Variants in PTPRG observed in about 807,000 individuals in gnomAD.
PTPRG encodes the protein protein tyrosine phosphatase receptor type G, also known as receptor-type tyrosine-protein phosphatase gamma.
A neutral mutation model predicts 165.3 loss-of-function variants in PTPRG; 102 were observed. That is an observed-to-expected ratio of 0.62 (90% CI 0.53 to 0.73). The LOEUF (loss-of-function observed/expected upper bound fraction) is 0.73, where lower values mean the gene tolerates loss of function less well. Among genes scored for constraint, PTPRG ranks in the 30% least tolerant of loss-of-function variants. The pLI is 0.00. For missense variants in PTPRG, 1,866 were observed against 1,861.4 expected (o/e 1.00, Z -0.05); for synonymous variants, 675 against 669.5 (o/e 1.01, Z -0.13).
At chr3:62,135,151 G>A (rs1181102608) in intron 6 of PTPRG, among the ~76,000 whole-genome samples, 47 of 151,444 alleles carry the variant, frequency 3.1e-4, no homozygotes, top group Admixed American at 3.0e-3. Flanking sequence ...GTACATGCCT[G>A]CAGTCCCAGC....
intron 2 of PTPRG, among the ~76,000 whole-genome samples, chr3:61,839,936 A>G (rs772073173): frequency 4.0e-4 from 61 of 152,136 alleles, no homozygotes; most frequent in Non-Finnish European, 6.9e-4. Context: ...AGTTGTGTGT[A>G]TTTTATGTGG....
In PTPRG at chr3:61,654,781, T is replaced by C. The variant is rs1220719745; in HGVS notation, c.85+92409T>C. ...ACAAAGGAAGGCTACCTGTGCTTTT[T>C]CTTTTTTTTTTTTTTTTTGAGACAA... On this transcript the variant is annotated intron_variant, in intron 1 of 29. Transcript: ENST00000474889. Among the ~76,000 whole-genome samples, 10 of 49,348 alleles carry C rather than the reference T, an allele frequency of 2.0e-4. No homozygotes were observed. In the Admixed American group the frequency reaches 3.2e-3, roughly 16 times the overall value. 32.4% of individuals were successfully genotyped at this position (49,348 alleles called of 152,430 possible).
intron 2 of PTPRG, among the ~76,000 whole-genome samples, chr3:61,816,519 G>A (rs1039725856): frequency 3.9e-5 from 6 of 152,086 alleles, no homozygotes; most frequent in Admixed American, 3.9e-4. Flanking sequence ...GTGACACAGC[G>A]AGACTCCCTC....
At chr3:62,284,290 A>C (rs963878960) in intron 28 of PTPRG, among the ~76,000 whole-genome samples, 10 of 152,152 alleles carry the variant, frequency 6.6e-5, no homozygotes, top group Non-Finnish European at 1.3e-4. Context: ...ACTTATCTTC[A>C]TTCAACTTTT....
At chr3:62,105,650 G>A (rs1431047397) in intron 5 of PTPRG, among the ~76,000 whole-genome samples, 1 of 152,178 alleles carries the variant, frequency 6.6e-6, no homozygotes, top group Non-Finnish European at 1.5e-5. Context: ...TAAGAAATTA[G>A]CTTAAAGGGA....
intron 1 of PTPRG, among the ~76,000 whole-genome samples, chr3:61,645,695 A>C (rs1388822832): frequency 1.3e-5 from 2 of 152,164 alleles, no homozygotes; most frequent in Admixed American, 1.3e-4. Flanking sequence ...TGGACCATAC[A>C]ATCTTTGTTG....
chr3:62,260,149 C>T (rs1701650953), intron 16 of PTPRG, among the ~76,000 whole-genome samples: 1 of 152,178 alleles, frequency 6.6e-6, no homozygotes, highest in African/African-American at 2.4e-5. Flanking sequence ...ATGACCTAAA[C>T]CCATCAGTCA....
intron 14 of PTPRG, among the ~76,000 whole-genome samples, chr3:62,239,795 T>C (rs1471537476): frequency 6.6e-6 from 1 of 152,248 alleles, no homozygotes; most frequent in African/African-American, 2.4e-5. Flanking sequence ...CCAAAATCCC[T>C]GCTTTTGCTT....
intron 14 of PTPRG, 126 bp from the exon 15 acceptor site, chr3:62,243,681 C>T: frequency 1.8e-6 from 1 of 558,572 alleles, no homozygotes; most frequent in East Asian, 3.3e-5. Flanking sequence ...GTTACTTTTA[C>T]ATGAGTTTAC....
chr3:61,618,354 G>A (rs1425003108), intron 1 of PTPRG, among the ~76,000 whole-genome samples: 1 of 152,162 alleles, frequency 6.6e-6, no homozygotes. Flanking sequence ...TCCAGCATGA[G>A]AGGGGGGTGT....
In PTPRG at chr3:62,135,363, A is replaced by T. The variant is rs185324069; in HGVS notation, c.682+2695A>T. Among the ~76,000 whole-genome samples, 205 of 152,218 alleles carry T rather than the reference A, an allele frequency of 1.3e-3. 2 individuals carry two copies. Among genetic ancestry groups the T allele is most frequent in the African/African-American group, 4.5e-3 (189 of 41,548 alleles). ...GTCCTGTGAGGGATTTGAATGATCT[A>T]TTAATTTGAAGGAACATAAATAATC... On this transcript the variant is annotated intron_variant, in intron 6 of 29. Transcript: ENST00000474889.
intron 6 of PTPRG, among the ~76,000 whole-genome samples, chr3:62,141,677 A>G (rs553325990): frequency 7.2e-4 from 110 of 151,820 alleles, no homozygotes; most frequent in Non-Finnish European, 1.2e-4. Flanking sequence ...AGGCTGGTGG[A>G]TCCCTTCAGG....
intron 4 of PTPRG, among the ~76,000 whole-genome samples, chr3:62,077,292 C>A (rs879793088): frequency 2.4e-3 from 338 of 138,818 alleles, no homozygotes; most frequent in South Asian, 6.3e-3. Flanking sequence ...AAAAAAAAAA[C>A]AAACCATAAT....
rs927567831 is a variant in PTPRG at position 61,647,321 on chromosome 3, C to G, written c.85+84949C>G. Among the ~76,000 whole-genome samples, 3 of 152,164 alleles carry G rather than the reference C, an allele frequency of 2.0e-5. No homozygotes were observed. In the South Asian group the frequency reaches 6.2e-4, roughly 32 times the overall value. ...CAAAAGAGGAATTGCAGTTTTCTTA[C>G]ATGCCAGATATTATACTAAGCACCA... On this transcript the variant is annotated intron_variant, in intron 1 of 29. Transcript: ENST00000474889.
intron 3 of PTPRG, among the ~76,000 whole-genome samples, chr3:61,997,768 G>A (rs865985046): frequency 2.6e-5 from 4 of 152,168 alleles, no homozygotes; most frequent in African/African-American, 9.7e-5. Context: ...TTGAGTGTTT[G>A]AAAAACATGA....
chr3:61,926,518 C>T (rs897179810), intron 2 of PTPRG, among the ~76,000 whole-genome samples: 1 of 151,800 alleles, frequency 6.6e-6, no homozygotes, highest in Admixed American at 6.6e-5. Flanking sequence ...GGCTGCAGAA[C>T]TGTGAGCCAA....
intron 5 of PTPRG, among the ~76,000 whole-genome samples, chr3:62,121,486 C>T (rs953370332): frequency 1.3e-5 from 2 of 152,098 alleles, no homozygotes; most frequent in African/African-American, 4.8e-5. Context: ...GGTTGTGAAT[C>T]GGGCTCTAGC....
rs1703098917 is a variant in PTPRG, at chr3:62,297,400, A to T, written c.*4093A>T. 1 of 150,352 alleles carries T rather than the reference A, an allele frequency of 6.7e-6. No individual in the cohort carries two copies. The highest frequency in any genetic ancestry group is 6.6e-5 in the Admixed American group (1 of 15,078). 9.3% of individuals were successfully genotyped at this position (150,352 alleles called of 1,614,324 possible). ...CATTTGTGCAATAGGAATTAGACAT[A>T]ATTAGTCACTGAAAACATTCGTCAC... On this transcript the variant is annotated 3_prime_UTR_variant, in exon 30 of 30. Coordinates refer to ENST00000474889, the MANE Select transcript of PTPRG (RefSeq NM_002841.4).
At chr3:61,663,699 T>C (rs1702730751) in intron 1 of PTPRG, among the ~76,000 whole-genome samples, 1 of 152,200 alleles carries the variant, frequency 6.6e-6, no homozygotes, top group Non-Finnish European at 1.5e-5. Flanking sequence ...GAGCTTGCTT[T>C]CCTGCAACTA....
Sources: gnomAD v4.1 joint callset for allele counts (sites outside exome capture counted in the v4.1 genomes callset) on GRCh38, gnomAD v4.1.1 for gene constraint, MANE v1.5 for transcripts, NCBI Gene and HGNC (gene_info 2026-07-23, HGNC 2026-07-21) for gene names.